ZBTB2: variants seen among roughly 807,000 people sequenced by gnomAD.
ZBTB2 encodes zinc finger and BTB domain-containing protein 2.
Under a neutral mutation model 39.5 loss-of-function variants are expected in ZBTB2, and 2 were observed. The observed-to-expected ratio is 0.05, with a 90% CI of 0.02 to 0.16. The LOEUF (loss-of-function observed/expected upper bound fraction) is 0.16, where lower values mean the gene tolerates loss of function less well. Among genes scored for constraint, ZBTB2 ranks in the 10% least tolerant of loss-of-function variants. ZBTB2 has a pLI of 1.00. For synonymous variants in ZBTB2, 251 were observed against 256.6 expected, an observed-to-expected ratio of 0.98 and a Z score of 0.21; for missense variants, 391 against 653.0, an observed-to-expected ratio of 0.60 and a Z score of 4.37.
chr6:151,376,178 T>A (rs1257431494), intron 1 of ZBTB2, among the ~76,000 whole-genome samples: 2 of 152,168 alleles, frequency 1.3e-5, no homozygotes, highest in Non-Finnish European at 2.9e-5. Flanking sequence ...TCTCATACTT[T>A]ATATAAAAAT....
chr6:151,390,240 G>C (rs1052938114), intron 1 of ZBTB2, among the ~76,000 whole-genome samples: 1 of 150,988 alleles, frequency 6.6e-6, no homozygotes, highest in African/African-American at 2.4e-5. Flanking sequence ...CGCGTCCCCC[G>C]CCCGCCTGAG....
rs569707853 is a variant in ZBTB2 at position 151,369,189 on chromosome 6, T to C, written c.174-2297A>G. Among the ~76,000 whole-genome samples the C allele has an allele frequency of 2.0e-5, 3 of 152,156 alleles. No homozygotes were observed. The South Asian group carries it at 6.2e-4, about 32-fold the overall frequency. Reference sequence around the variant, plus strand: ...TGAAAGAACTATGTACAGTCTCAGATGGCAAAAAAGGGACACAGCTGGGGA... The same window carrying C: ...TGAAAGAACTATGTACAGTCTCAGACGGCAAAAAAGGGACACAGCTGGGGA... On this transcript the variant is annotated intron_variant, in intron 2 of 2. Coordinates refer to ENST00000325144, the MANE Select transcript of ZBTB2 (RefSeq NM_020861.3).
intron 2 of ZBTB2, 38 bp downstream of exon 2, chr6:151,373,427 T>C: frequency 6.2e-7 from 1 of 1,611,138 alleles, no homozygotes; most frequent in Non-Finnish European, 8.5e-7. Context: ...GGTTAAGAAG[T>C]CTACAGTCAT....
rs772901626 is a variant in ZBTB2, at chr6:151,366,809, G to A, written c.257C>T (p.Ala86Val). 38 of 1,613,948 alleles carry A rather than the reference G, an allele frequency of 2.4e-5. No homozygotes were observed. Among genetic ancestry groups the A allele is most frequent in the Admixed American group, 3.3e-5 (2 of 59,992 alleles). Residue 86 changes from alanine (A) to valine (V), a missense_variant, in exon 3 of 3, where the codon GCG becomes GTG. By Grantham distance (64) the Ala-to-Val change is moderately conservative. Coordinates refer to ENST00000325144, the MANE Select transcript of ZBTB2 (RefSeq NM_020861.3). This position sits in a 1 kb window ranked among gnomAD's most constrained non-coding sequence, Gnocchi z 7.1. ...LLHLMYTGKM[A>V]PQLIDPVRLE... ...TCGAACCGGGTCGATGAGCTGAGGCGCCATCTTCCCAGTGTACATCAAGTG... is the reference window on the plus strand; with the variant it reads ...TCGAACCGGGTCGATGAGCTGAGGCACCATCTTCCCAGTGTACATCAAGTG...
chr6:151,386,550 A>C (rs1369731455), intron 1 of ZBTB2, among the ~76,000 whole-genome samples: 1 of 152,146 alleles, frequency 6.6e-6, no homozygotes, highest in Non-Finnish European at 1.5e-5. Flanking sequence ...ACAACAACAA[A>C]AAACTGATCT....
intron 1 of ZBTB2, among the ~76,000 whole-genome samples, chr6:151,373,870 A>AAAAAAAAAAAAAAAAAACAAAAC: frequency 8.1e-6 from 1 of 123,592 alleles, no homozygotes; most frequent in Non-Finnish European, 1.6e-5. Context: ...AAAAAAAAAA[A>AAAAAAAAAAAAAAAAAACAAAAC]AAAAAAACCA....
intron 1 of ZBTB2, among the ~76,000 whole-genome samples, chr6:151,375,347 CTGGTGAAAGAAATAAAGGAT>C (rs1355117931): frequency 6.6e-6 from 1 of 152,036 alleles, no homozygotes; most frequent in Non-Finnish European, 1.5e-5. Context: ...CTATAAAACA[CTGGTGAAAGAAATAAAGGAT>C]CTAAATAAAC....
chr6:151,390,231 G>A (rs1292915323), intron 1 of ZBTB2, among the ~76,000 whole-genome samples: 3 of 151,318 alleles, frequency 2.0e-5, no homozygotes, highest in Non-Finnish European at 3.0e-5. Flanking sequence ...AGAGGCCGAC[G>A]CGTCCCCCGC....
At chr6:151,367,190 G>A (rs1330933234) in intron 2 of ZBTB2, among the ~76,000 whole-genome samples, 1 of 151,110 alleles carries the variant, frequency 6.6e-6, no homozygotes, top group Non-Finnish European at 1.5e-5. Flanking sequence ...GCACAATCTC[G>A]GCTCACTGCA....
At position 151,388,453 on chromosome 6, in the gene ZBTB2, A is replaced by C. The variant is rs1179116666; in HGVS notation, c.-13+2967T>G. 3.3e-5 allele frequency among the ~76,000 whole-genome samples: 5 copies of C among 152,360 alleles called. No homozygotes were observed. The East Asian group carries it at 9.6e-4, about 29-fold the overall frequency. ...GTAAGTCTCAAATTGGGGAAAGCAC[A>C]TCCACTTACTCATGGGCATGCTGTG... On this transcript the variant is annotated intron_variant, in intron 1 of 2. Coordinates refer to ENST00000325144, the MANE Select transcript of ZBTB2 (RefSeq NM_020861.3).
rs779360280 is a variant in ZBTB2, at chr6:151,370,044, G to A, written c.174-3152C>T. 203 of 946,886 alleles carry A rather than the reference G, an allele frequency of 2.1e-4. No homozygotes were observed. The Middle Eastern group carries it at 4.2e-3, about 20-fold the overall frequency. The allele number at this position is 946,886 out of a possible 1,614,324, so 58.7% of individuals were successfully genotyped here. On this transcript the variant is annotated intron_variant, in intron 2 of 2. Coordinates refer to ENST00000325144, the MANE Select transcript of ZBTB2 (RefSeq NM_020861.3). ...CTGTCAATCACTCAGCTCACTATGC[G>A]CCAGACTTTGGTCTTTTCCCAGTCC... is the stretch of plus-strand genomic sequence containing the variant.
rs751764145 is a variant in ZBTB2 at position 151,366,859 on chromosome 6, C to T, written c.207G>A (p.Gln69=). The T allele has an allele frequency of 6.8e-6, 11 of 1,612,274 alleles. No individual in the cohort carries two copies. Among genetic ancestry groups the T allele is most frequent in the Non-Finnish European group, 9.3e-6 (11 of 1,178,776 alleles). Residue 69 remains glutamine, a synonymous_variant, in exon 3 of 3, where the codon CAG becomes CAA. Coordinates refer to ENST00000325144, the MANE Select transcript of ZBTB2 (RefSeq NM_020861.3). This position sits in a 1 kb window ranked among gnomAD's most constrained non-coding sequence, Gnocchi z 7.1. ...GTAAGAGATAGCTGAAGATGTCGGG[C>T]TGTATGTCAGTTGGTTTCAAGCGGA... ...ECVRLKPTDI[Q]PDIFSYLLHL... is the part of the protein sequence containing the mutation.
intron 2 of ZBTB2, chr6:151,370,115 T>C (rs552981130): frequency 2.0e-6 from 2 of 976,124 alleles, no homozygotes; most frequent in African/African-American, 3.5e-5. Flanking sequence ...ATCTAAGTAG[T>C]TTCCAGATAT....
chr6:151,383,404 A>G (rs961854453), intron 1 of ZBTB2, among the ~76,000 whole-genome samples: 1 of 152,200 alleles, frequency 6.6e-6, no homozygotes, highest in Admixed American at 6.5e-5. Flanking sequence ...TCAAGGGTCC[A>G]GCTTGTTTTG....
chr6:151,385,017 C>T (rs1779123217), intron 1 of ZBTB2, among the ~76,000 whole-genome samples: 1 of 150,448 alleles, frequency 6.6e-6, no homozygotes, highest in African/African-American at 2.5e-5. Flanking sequence ...AAATCCCTAA[C>T]CATTTAACAC....
At position 151,373,870 on chromosome 6, in the gene ZBTB2, A is replaced by AAAAAAC. The variant is rs869078022; in HGVS notation, c.-12-222_-12-221insGTTTTT. 9.1e-3 allele frequency among the ~76,000 whole-genome samples: 1,122 copies of AAAAAAC among 123,442 alleles called. 35 individuals carry two copies. The highest frequency in any genetic ancestry group is 0.041 in the Middle Eastern group (7 of 172). 81.0% of individuals were successfully genotyped at this position (123,442 alleles called of 152,430 possible). A position where few individuals can be genotyped will look rare whatever the true frequency, so the allele number is the denominator to read the frequency against. ...AAAAAAAAAAAAAAAAAAAAAAAAA[A>AAAAAAC]AAAAAAACCAGATGATGCCATTTAA... On this transcript the variant is annotated intron_variant, in intron 1 of 2. Coordinates refer to ENST00000325144, the MANE Select transcript of ZBTB2 (RefSeq NM_020861.3).
chr6:151,383,562 C>A (rs1187572565), intron 1 of ZBTB2, among the ~76,000 whole-genome samples: 5 of 152,032 alleles, frequency 3.3e-5, no homozygotes, highest in East Asian at 3.9e-4. Flanking sequence ...TCCTGAACAC[C>A]CTGGTGATGA....
At chr6:151,373,871 A>AC (rs1372276355) in intron 1 of ZBTB2, among the ~76,000 whole-genome samples, 31 of 116,688 alleles carry the variant, frequency 2.7e-4, no homozygotes, top group Non-Finnish European at 5.0e-4. Flanking sequence ...AAAAAAAAAA[A>AC]AAAAAACCAG....
At chr6:151,382,238 A>C (rs556197590) in intron 1 of ZBTB2, among the ~76,000 whole-genome samples, 9 of 152,152 alleles carry the variant, frequency 5.9e-5, no homozygotes, top group Admixed American at 5.2e-4. Flanking sequence ...GTACATGACT[A>C]TGTATGAAAA....
Sources: allele counts gnomAD v4.1 joint callset (sites outside exome capture counted in the v4.1 genomes callset), GRCh38; gene constraint gnomAD v4.1.1; non-coding constraint Gnocchi (gnomAD v3.1); transcripts MANE v1.5; gene names NCBI Gene and HGNC (gene_info 2026-07-23, HGNC 2026-07-21).